The following GALNTL6 variants were observed in gnomAD, a reference collection of about 807,000 sequenced individuals.
The protein encoded by GALNTL6 is polypeptide N-acetylgalactosaminyltransferase-like 6.
In GALNTL6, 46 loss-of-function variants were observed where a neutral mutation model predicts 73.7. The observed-to-expected ratio is 0.62, with a 90% CI of 0.49 to 0.80. The LOEUF is 0.80. Ranked by LOEUF, GALNTL6 falls within the 30% of genes least tolerant of loss-of-function variation. The pLI, the probability that GALNTL6 is intolerant of heterozygous loss-of-function variation, is 0.00. For synonymous variants in GALNTL6, 259 were observed against 263.7 expected (o/e 0.98, Z 0.17); for missense variants, 604 against 755.0 (o/e 0.80, Z 2.34).
intron 5 of GALNTL6, among the ~76,000 whole-genome samples, chr4:172,525,918 C>A (rs921405425): frequency 6.6e-6 from 1 of 152,096 alleles, no homozygotes. Flanking sequence ...GGTTATATAA[C>A]CATGCCACCT....
At chr4:172,837,428 GA>G (rs547701893) in intron 7 of GALNTL6, among the ~76,000 whole-genome samples, 40 of 148,136 alleles carry the variant, frequency 2.7e-4, no homozygotes, top group African/African-American at 6.9e-4. Context: ...AAATTCAAAT[GA>G]AAAAAAAATA....
chr4:172,150,672 A>C (rs577029821), intron 2 of GALNTL6, among the ~76,000 whole-genome samples: 1 of 152,300 alleles, frequency 6.6e-6, no homozygotes, highest in South Asian at 2.1e-4. Flanking sequence ...TAAATTGAGT[A>C]ACAGGTCACA....
chr4:173,002,095 CA>C (rs548450286), intron 10 of GALNTL6, among the ~76,000 whole-genome samples: 9 of 152,218 alleles, frequency 5.9e-5, no homozygotes, highest in African/African-American at 2.2e-4. Context: ...TCACAGTAGC[CA>C]AAAAGTAGAA....
At chr4:172,772,143 A>G (rs930575637) in intron 5 of GALNTL6, among the ~76,000 whole-genome samples, 9 of 152,236 alleles carry the variant, frequency 5.9e-5, no homozygotes, top group African/African-American at 2.2e-4. Flanking sequence ...TATCATGAGA[A>G]GAGCATGGGA....
intron 2 of GALNTL6, among the ~76,000 whole-genome samples, chr4:172,187,264 A>G (rs1735442860): frequency 6.6e-6 from 1 of 152,126 alleles, no homozygotes; most frequent in South Asian, 2.1e-4. Flanking sequence ...AGCATCTATC[A>G]GGGTAAATGT....
At chr4:172,211,568 A>G (rs533220301) in intron 2 of GALNTL6, among the ~76,000 whole-genome samples, 2 of 152,316 alleles carry the variant, frequency 1.3e-5, no homozygotes, top group South Asian at 4.1e-4. Context: ...ATATATGTGC[A>G]GAAGCATCAG....
intron 5 of GALNTL6, among the ~76,000 whole-genome samples, chr4:172,477,215 A>C (rs1221853322): frequency 1.3e-5 from 2 of 149,556 alleles, no homozygotes; most frequent in East Asian, 3.9e-4. Flanking sequence ...GCACTCCTAA[A>C]ATATTATTAA....
Position 172,538,714 on chromosome 4 carries a change from A to G in GALNTL6, c.553+190025A>G, listed in dbSNP as rs190997283. The stretch of plus-strand genomic sequence containing the variant: ...GAGAGTAAGGTCCAGAACTCAAAGT[A>G]TAAATAGAAGTATAACATTTTACTT... On this transcript the variant is annotated intron_variant, in intron 5 of 12. Transcript: ENST00000506823. Among the ~76,000 whole-genome samples the G allele has an allele frequency of 4.1e-4, 62 of 152,342 alleles. No individual in the cohort carries two copies. In the East Asian group the frequency reaches 0.012, roughly 28 times the overall value.
chr4:172,775,864 T>C (rs1160768913), intron 5 of GALNTL6, among the ~76,000 whole-genome samples: 2 of 152,188 alleles, frequency 1.3e-5, no homozygotes, highest in South Asian at 2.1e-4. Context: ...GAAGCCCATA[T>C]GGCAAGGGAC....
At position 172,625,713 on chromosome 4, in the gene GALNTL6, A is replaced by T. The variant is rs546331268; in HGVS notation, c.554-183648A>T. On this transcript the variant is annotated intron_variant, in intron 5 of 12. Transcript: ENST00000506823. ...GTGTATTGACTTTTTAATAATAGCT[A>T]TTCTGACTGGTGTGAGATAGTATCT... Among the ~76,000 whole-genome samples, 942 of 152,172 alleles carry T rather than the reference A, an allele frequency of 6.2e-3. 9 individuals carry two copies. Among genetic ancestry groups the T allele is most frequent in the African/African-American group, 0.021 (886 of 41,536 alleles).
intron 5 of GALNTL6, among the ~76,000 whole-genome samples, chr4:172,725,656 C>T (rs1560907489): frequency 6.6e-6 from 1 of 152,100 alleles, no homozygotes; most frequent in Non-Finnish European, 1.5e-5. Context: ...TAGAGATAGG[C>T]TTAGAGTTTC....
chr4:172,252,216 A>T (rs149711727), intron 3 of GALNTL6, among the ~76,000 whole-genome samples: 4 of 152,336 alleles, frequency 2.6e-5, no homozygotes, highest in Admixed American at 2.0e-4. Context: ...CTGATTTTTA[A>T]AAAGACACAG....
chr4:172,931,030 C>A (rs1748306068), intron 8 of GALNTL6, 131 bp from the exon 9 acceptor site: 1 of 650,602 alleles, frequency 1.5e-6, no homozygotes, highest in South Asian at 1.9e-5. Context: ...TTCTGGTTAG[C>A]CATTTATAAT....
rs548521625 is a variant in GALNTL6, at chr4:172,055,778, C to T, written c.139-173878C>T. ...GTAGCTTTGACAACTTCTGAGTTAA[C>T]GTGGGCCAGTTATCAGGGTACTTCT... On this transcript the variant is annotated intron_variant, in intron 2 of 12. Coordinates refer to ENST00000506823, the MANE Select transcript of GALNTL6 (RefSeq NM_001034845.3). Among the ~76,000 whole-genome samples the T allele has an allele frequency of 4.6e-5, 7 of 152,216 alleles. No homozygotes were observed. In the East Asian group the frequency reaches 9.7e-4, roughly 21 times the overall value.
At chr4:172,615,561 T>A (rs943491903) in intron 5 of GALNTL6, among the ~76,000 whole-genome samples, 4 of 152,166 alleles carry the variant, frequency 2.6e-5, no homozygotes, top group Non-Finnish European at 5.9e-5. Context: ...TCTATTAAGT[T>A]CTCCTCAAAG....
chr4:172,357,634 T>C (rs1006076384), intron 5 of GALNTL6, among the ~76,000 whole-genome samples: 357 of 145,828 alleles, frequency 2.4e-3, no homozygotes, highest in East Asian at 5.3e-3. Context: ...TATAGATATA[T>C]ACACACACAC....
intron 5 of GALNTL6, among the ~76,000 whole-genome samples, chr4:172,395,393 T>C (rs1365071035): frequency 6.6e-6 from 1 of 152,220 alleles, no homozygotes; most frequent in Non-Finnish European, 1.5e-5. Context: ...CTCTGCTTTT[T>C]GTATGTTTTC....
At position 172,548,195 on chromosome 4, in the gene GALNTL6, T is replaced by G. The variant is rs1735842089; in HGVS notation, c.553+199506T>G. Among the ~76,000 whole-genome samples, 3 of 152,266 alleles carry G rather than the reference T, an allele frequency of 2.0e-5. No individual in the cohort carries two copies. In the East Asian group the frequency reaches 5.8e-4, roughly 29 times the overall value. On this transcript the variant is annotated intron_variant, in intron 5 of 12. Transcript: ENST00000506823. Reference sequence around the variant, plus strand: ...AATGAAGGGTCAAAAGAATTATGTCTCCACCTGATAGCTTTCCTGGAGAAG... The same window carrying G: ...AATGAAGGGTCAAAAGAATTATGTCGCCACCTGATAGCTTTCCTGGAGAAG...
chr4:172,561,178 G>A (rs986115863), intron 5 of GALNTL6, among the ~76,000 whole-genome samples: 6 of 149,978 alleles, frequency 4.0e-5, no homozygotes, highest in Non-Finnish European at 8.9e-5. Flanking sequence ...GCGTGAACCC[G>A]GGAAGCGGAG....
Sources: gnomAD v4.1 joint callset for allele counts (sites outside exome capture counted in the v4.1 genomes callset) on GRCh38, gnomAD v4.1.1 for gene constraint, MANE v1.5 for transcripts, NCBI Gene and HGNC (gene_info 2026-07-23, HGNC 2026-07-21) for gene names.